CD27: variants seen among roughly 807,000 people sequenced by gnomAD.
CD27 encodes CD27 molecule, also known as CD27 antigen.
Under a neutral mutation model 25.9 loss-of-function variants are expected in CD27, and 16 were observed. The ratio of observed to expected loss-of-function variants is 0.62; its 90% CI spans 0.42 to 0.94. CD27 has a LOEUF of 0.94. Among genes scored for constraint, CD27 ranks in the 40% least tolerant of loss-of-function variants. The pLI, the probability that CD27 is intolerant of heterozygous loss-of-function variation, is 0.00. For missense variants in CD27, 300 were observed against 333.2 expected (o/e 0.90, Z 0.78); for synonymous variants, 142 against 124.3 (o/e 1.14, Z -0.95).
intron 2 of CD27, among the ~76,000 whole-genome samples, chr12:6,446,112 G>A (rs1311759833): frequency 6.6e-6 from 1 of 152,228 alleles, no homozygotes; most frequent in African/African-American, 2.4e-5. Context: ...TATGAATGCT[G>A]TTATTATTTC....
intron 2 of CD27, among the ~76,000 whole-genome samples, chr12:6,446,284 G>C (rs1193585425): frequency 6.6e-6 from 1 of 152,090 alleles, no homozygotes; most frequent in Non-Finnish European, 1.5e-5. Flanking sequence ...GGTGTCACTG[G>C]GTCTCTTGGT....
At chr12:6,448,499 C>G (rs1021922893) in intron 2 of CD27, 1 of 152,352 alleles carries the variant, frequency 6.6e-6, no homozygotes, top group African/African-American at 2.4e-5. Flanking sequence ...AAGGCAAATT[C>G]TCACGCCTGT....
chr12:6,446,245 A>C (rs1592118211), intron 2 of CD27, among the ~76,000 whole-genome samples: 1 of 152,316 alleles, frequency 6.6e-6, no homozygotes, highest in East Asian at 1.9e-4. Flanking sequence ...AACTGTAACT[A>C]TTAAACTACC....
intron 2 of CD27, among the ~76,000 whole-genome samples, chr12:6,449,591 G>A (rs1949481891): frequency 6.6e-6 from 1 of 152,158 alleles, no homozygotes; most frequent in Admixed American, 6.5e-5. Flanking sequence ...GCTCACGCCT[G>A]TAATCCCAAC....
upstream of CD27, among the ~76,000 whole-genome samples, chr12:6,444,663 G>GA (rs1949385908): frequency 1.2e-5 from 1 of 83,712 alleles, no homozygotes; most frequent in Admixed American, 1.3e-4. Flanking sequence ...GGGGGGGTGG[G>GA]TGGGGGGGGG....
rs1263008161 is a variant in CD27, at chr12:6,445,652, C to G, written c.268+97C>G. 7.5e-6 allele frequency: 11 copies of G among 1,459,438 alleles called. No homozygotes were observed. The highest frequency in any genetic ancestry group is 7.0e-5 in the African/African-American group (5 of 71,352). The allele number at this position is 1,459,438 out of a possible 1,614,324, so 90.4% of individuals were successfully genotyped here. A position where few individuals can be genotyped will look rare whatever the true frequency, so the allele number is the denominator to read the frequency against. Reference sequence around the variant, plus strand: ...TGGGGGTGCAAGGAGGATGACGGGGCCAAAGCTTTGGCCTTCTTCAAGGCT... The same window carrying G: ...TGGGGGTGCAAGGAGGATGACGGGGGCAAAGCTTTGGCCTTCTTCAAGGCT... On this transcript the variant is annotated intron_variant, in intron 2 of 5. Transcript: ENST00000266557. The surrounding 1 kb of genome is among the most constrained non-coding windows in gnomAD (Gnocchi z 4.5).
At position 6,450,524 on chromosome 12, in the gene CD27, T is replaced by G. The variant is rs755935794; in HGVS notation, c.449-17T>G. Reference sequence around the variant, plus strand: ...TGGGGTCCCCTGCTGCTACTCATTCTGTCTCTGTTTTTCCAGAGATGCTGG... The same window carrying G: ...TGGGGTCCCCTGCTGCTACTCATTCGGTCTCTGTTTTTCCAGAGATGCTGG... On this transcript the variant is annotated splice_polypyrimidine_tract_variant and intron_variant, in intron 3 of 5. Transcript: ENST00000266557. This position sits in a 1 kb window ranked among gnomAD's most constrained non-coding sequence, Gnocchi z 4.1. 1 of 1,611,398 alleles carries G rather than the reference T, an allele frequency of 6.2e-7. No individual in the cohort carries two copies. The highest frequency in any genetic ancestry group is 1.7e-5 in the Admixed American group (1 of 60,006).
Position 6,451,012 on chromosome 12 carries a change from CAAGT to C in CD27, c.658+2_658+5del. On this transcript the variant is annotated splice_donor_variant and coding_sequence_variant, in exon 5 of 6. Coordinates refer to ENST00000266557, the MANE Select transcript of CD27 (RefSeq NM_001242.5). LOFTEE classifies it high-confidence loss of function. ...CTCCATCAACGAAGGAAATATAGATCAAGTAAGAGACAGAACACAGGCCTCCGGT... is the reference window on the plus strand; with the variant it reads ...CTCCATCAACGAAGGAAATATAGATCAAGAGACAGAACACAGGCCTCCGGT... 1 of 1,614,096 alleles carries C rather than the reference CAAGT, an allele frequency of 6.2e-7. No homozygotes were observed. The highest frequency in any genetic ancestry group is 8.5e-7 in the Non-Finnish European group (1 of 1,179,996).
In CD27 at chr12:6,450,363, G is replaced by A; in HGVS notation, c.448+11G>A. On this transcript the variant is annotated intron_variant, in intron 3 of 5. Coordinates refer to ENST00000266557, the MANE Select transcript of CD27 (RefSeq NM_001242.5). The surrounding 1 kb of genome is among the most constrained non-coding windows in gnomAD (Gnocchi z 4.1). The stretch of plus-strand genomic sequence containing the variant: ...TACCTTATGTCAGTGGTAAGTTCCA[G>A]GCAACTCTCTGTGCCATCACGTGGG... The A allele has an allele frequency of 2.5e-6, 4 of 1,608,430 alleles. No individual in the cohort carries two copies. The highest frequency in any genetic ancestry group is 3.4e-6 in the Non-Finnish European group (4 of 1,178,318).
At chr12:6,444,259 G>A (rs892489751), upstream of CD27, among the ~76,000 whole-genome samples, 2 of 151,188 alleles carry the variant, frequency 1.3e-5, no homozygotes, top group African/African-American at 4.9e-5. Flanking sequence ...ATCGGTCAGA[G>A]TGTGACAGAA....
rs897551941 is a variant in CD27, at chr12:6,444,992, C to A, written c.-104C>A. 1 of 1,321,192 alleles carries A rather than the reference C, an allele frequency of 7.6e-7. No homozygotes were observed. Among genetic ancestry groups the A allele is most frequent in the Non-Finnish European group, 1.0e-6 (1 of 993,248 alleles). 81.8% of individuals were successfully genotyped at this position (1,321,192 alleles called of 1,614,324 possible). On this transcript the variant is annotated 5_prime_UTR_variant, in exon 1 of 6. Coordinates refer to ENST00000266557, the MANE Select transcript of CD27 (RefSeq NM_001242.5). ...GCTTGCCACCTGAAGCAGCCACTGC[C>A]CAGGGGGTGCAAAGAAGAGACAGCA...
chr12:6,448,206 TTC>T (rs1349581309), intron 2 of CD27: 2 of 152,246 alleles, frequency 1.3e-5, no homozygotes, highest in African/African-American at 4.8e-5. Context: ...ACCTTTGACA[TTC>T]TCTCTTTGAC....
chr12:6,450,782 G>C lies in CD27; in HGVS notation c.539-113G>C. On this transcript the variant is annotated intron_variant, in intron 4 of 5. Coordinates refer to ENST00000266557, the MANE Select transcript of CD27 (RefSeq NM_001242.5). The surrounding 1 kb of genome is among the most constrained non-coding windows in gnomAD (Gnocchi z 4.1). The stretch of plus-strand genomic sequence containing the variant: ...GAGAGGAGTTGGCCAACGGTGGCGG[G>C]TGGGATAGAATAAGGTGGGGGAAAG... The C allele has an allele frequency of 3.3e-6, 5 of 1,505,190 alleles. No individual in the cohort carries two copies. Among genetic ancestry groups the C allele is most frequent in the Non-Finnish European group, 4.6e-6 (5 of 1,094,910 alleles). 93.2% of individuals were successfully genotyped at this position (1,505,190 alleles called of 1,614,324 possible).
upstream of CD27, among the ~76,000 whole-genome samples, chr12:6,443,900 G>A (rs1818623416): frequency 6.6e-6 from 1 of 152,226 alleles, no homozygotes; most frequent in South Asian, 2.1e-4. Context: ...CGGTTGCTGA[G>A]GAAAGAGTGG....
In CD27 at chr12:6,451,405, G is replaced by C. The variant is rs1357464428; in HGVS notation, c.*13G>C. Reference sequence around the variant, plus strand: ...CTGCTCCCCCTGAGCCAGCACCTGCGGGAGCTGCACTACAGCCCTGGCCTC... The same window carrying C: ...CTGCTCCCCCTGAGCCAGCACCTGCCGGAGCTGCACTACAGCCCTGGCCTC... On this transcript the variant is annotated 3_prime_UTR_variant, in exon 6 of 6. Coordinates refer to ENST00000266557, the MANE Select transcript of CD27 (RefSeq NM_001242.5). 1.9e-6 allele frequency: 3 copies of C among 1,611,144 alleles called. No homozygotes were observed. The highest frequency in any genetic ancestry group is 1.3e-5 in the African/African-American group (1 of 74,858).
intron 2 of CD27, among the ~76,000 whole-genome samples, chr12:6,449,137 C>T (rs117684743): frequency 0.048 from 7,307 of 151,720 alleles, 208 homozygotes; most frequent in African/African-American, 0.068. Context: ...CTTGGGCCTA[C>T]AGGTGTGCAC....
chr12:6,445,340 C>A lies in CD27; in HGVS notation c.137-84C>A. ...ACTGAGCTCAAGCAAGGAGGGAAAT[C>A]CTGCAGCTGTGGGGAGGCACCACCT... On this transcript the variant is annotated intron_variant, in intron 1 of 5. Coordinates refer to ENST00000266557, the MANE Select transcript of CD27 (RefSeq NM_001242.5). The surrounding 1 kb of genome is among the most constrained non-coding windows in gnomAD (Gnocchi z 4.5). 1 of 1,607,894 alleles carries A rather than the reference C, an allele frequency of 6.2e-7. No homozygotes were observed. Among genetic ancestry groups the A allele is most frequent in the South Asian group, 1.1e-5 (1 of 90,774 alleles).
rs1285788292 is a variant in CD27, at chr12:6,451,324, G to A, written c.715G>A (p.Glu239Lys). Residue 239 changes from glutamate (E) to lysine (K), a missense_variant, in exon 6 of 6, where the codon GAG (glutamate) becomes AAG (lysine). By Grantham distance (56) the Glu-to-Lys change is moderately conservative (BLOSUM62 1). Coordinates refer to ENST00000266557, the MANE Select transcript of CD27 (RefSeq NM_001242.5). Reference sequence around the variant, plus strand: ...GCCTTGTCATTACAGCTGCCCCAGGGAGGAGGAGGGCAGCACCATCCCCAT... The same window carrying A: ...GCCTTGTCATTACAGCTGCCCCAGGAAGGAGGAGGGCAGCACCATCCCCAT... ...AEPCHYSCPR[E>K]EEGSTIPIQE... 1.9e-6 allele frequency: 3 copies of A among 1,613,102 alleles called. No homozygotes were observed. In the East Asian group the frequency reaches 6.7e-5, roughly 36 times the overall value.
rs753465972 is a variant in CD27, at chr12:6,445,241, G to A, written c.136+10G>A. On this transcript the variant is annotated intron_variant, in intron 1 of 5. Transcript: ENST00000266557. The surrounding 1 kb of genome is among the most constrained non-coding windows in gnomAD (Gnocchi z 4.5). Reference sequence around the variant, plus strand: ...CAGATGTGTGAGCCAGGTAAGAGGGGGCCTTGGTAAGGGCCAGGTGAGTGG... The same window carrying A: ...CAGATGTGTGAGCCAGGTAAGAGGGAGCCTTGGTAAGGGCCAGGTGAGTGG... 3 of 1,613,958 alleles carry A rather than the reference G, an allele frequency of 1.9e-6. No individual in the cohort carries two copies. The East Asian group carries it at 6.7e-5, about 36-fold the overall frequency.
Sources: gnomAD v4.1 joint callset for allele counts (sites outside exome capture counted in the v4.1 genomes callset) on GRCh38, gnomAD v4.1.1 for gene constraint, Gnocchi (gnomAD v3.1) non-coding constraint, MANE v1.5 for transcripts, NCBI Gene and HGNC (gene_info 2026-07-23, HGNC 2026-07-21) for gene names.